The following ECHDC3 variants were observed in gnomAD, a reference collection of about 807,000 sequenced individuals.
ECHDC3 encodes enoyl-CoA hydratase domain containing 3, also known as enoyl-CoA hydratase domain-containing protein 3, mitochondrial.
Under a neutral mutation model 17.9 loss-of-function variants are expected in ECHDC3, and 20 were observed. The observed-to-expected ratio is 1.12, with a 90% CI of 0.79 to 1.63. The LOEUF is 1.63. ECHDC3 is among the 40% of genes most tolerant of loss of function. The pLI is 0.00. For missense variants in ECHDC3, 407 were observed against 357.7 expected, an observed-to-expected ratio of 1.14 and a Z score of -1.11; for synonymous variants, 177 against 149.7, an observed-to-expected ratio of 1.18 and a Z score of -1.33.
At chr10:11,759,021 A>T (rs1270676429) in intron 4 of ECHDC3, among the ~76,000 whole-genome samples, 1 of 152,142 alleles carries the variant, frequency 6.6e-6, no homozygotes, top group African/African-American at 2.4e-5. Flanking sequence ...TGAGATCATG[A>T]GTATGGAGCC....
At chr10:11,750,589 C>T (rs568388621) in intron 3 of ECHDC3, among the ~76,000 whole-genome samples, 3 of 152,290 alleles carry the variant, frequency 2.0e-5, no homozygotes, top group African/African-American at 7.2e-5. Context: ...GTGAATCCAG[C>T]TTTAAGTAAT....
At chr10:11,760,792 G>A (rs1832940687) in intron 4 of ECHDC3, among the ~76,000 whole-genome samples, 1 of 152,232 alleles carries the variant, frequency 6.6e-6, no homozygotes, top group South Asian at 2.1e-4. Context: ...GCCCCGTGCT[G>A]TGACCTGCTA....
At chr10:11,750,914 C>T (rs1271012159) in intron 3 of ECHDC3, among the ~76,000 whole-genome samples, 2 of 152,112 alleles carry the variant, frequency 1.3e-5, no homozygotes, top group Non-Finnish European at 2.9e-5. Flanking sequence ...CTTGCCCTTC[C>T]AGAAACCCAT....
intron 1 of ECHDC3, among the ~76,000 whole-genome samples, chr10:11,743,315 G>C (rs1238272585): frequency 6.6e-6 from 1 of 152,236 alleles, no homozygotes; most frequent in African/African-American, 2.4e-5. Flanking sequence ...CCGTGTTTCA[G>C]CATGTTTCAG....
At chr10:11,745,251 T>G (rs1832746768) in intron 1 of ECHDC3, among the ~76,000 whole-genome samples, 1 of 152,252 alleles carries the variant, frequency 6.6e-6, no homozygotes, top group East Asian at 1.9e-4. Context: ...ACAGGACACA[T>G]GAACAGATTC....
At chr10:11,759,182 C>T (rs1832917409) in intron 4 of ECHDC3, among the ~76,000 whole-genome samples, 3 of 152,138 alleles carry the variant, frequency 2.0e-5, no homozygotes, top group Middle Eastern at 3.4e-3. Flanking sequence ...GGCGAAACCT[C>T]GTCTCTACTA....
intron 3 of ECHDC3, among the ~76,000 whole-genome samples, chr10:11,754,297 G>GGAAA (rs139963384): frequency 0.93 from 142,231 of 152,142 alleles, 67,297 homozygotes; most frequent in East Asian, 1. Context: ...CCTGCCTTGG[G>GGAAA]GTATTCCCAT....
chr10:11,755,197 A>G (rs7070299), intron 3 of ECHDC3: 453,409 of 466,310 alleles, frequency 0.97, 221,659 homozygotes, highest in East Asian at 1. Flanking sequence ...GTGGTAGCCC[A>G]TGCCTGTAGT....
intron 4 of ECHDC3, among the ~76,000 whole-genome samples, chr10:11,757,024 C>T (rs1005509501): frequency 2.6e-5 from 4 of 152,216 alleles, no homozygotes; most frequent in East Asian, 3.8e-4. Context: ...CGTGAGCCGC[C>T]GCACCTGGCC....
chr10:11,743,124 C>G (rs541302254), intron 1 of ECHDC3, among the ~76,000 whole-genome samples: 1 of 152,210 alleles, frequency 6.6e-6, no homozygotes, highest in South Asian at 2.1e-4. Context: ...GTAAATAGGA[C>G]AAAGTGCACA....
chr10:11,761,439 C>G (rs1474511527), intron 4 of ECHDC3, among the ~76,000 whole-genome samples: 1 of 152,230 alleles, frequency 6.6e-6, no homozygotes, highest in African/African-American at 2.4e-5. Context: ...GCTGATGCCT[C>G]CCCTGTGTGT....
At chr10:11,762,578 C>T (rs933000114) in intron 4 of ECHDC3, among the ~76,000 whole-genome samples, 13 of 152,272 alleles carry the variant, frequency 8.5e-5, no homozygotes, top group South Asian at 6.2e-4. Flanking sequence ...GCAGAGGACA[C>T]GGTGAGGAGG....
intron 2 of ECHDC3, among the ~76,000 whole-genome samples, chr10:11,749,066 A>G (rs1347279910): frequency 6.6e-6 from 1 of 152,214 alleles, no homozygotes; most frequent in African/African-American, 2.4e-5. Context: ...CACTTCAGCC[A>G]TGACGGCTGG....
In ECHDC3 at chr10:11,742,815, G is replaced by A. The variant is rs532754305; in HGVS notation, c.170+69G>A. On this transcript the variant is annotated intron_variant, in intron 1 of 4. Transcript: ENST00000379215. ...GGGGTCAGGGCGCCGCCATTGACCC[G>A]GGGAGGACCCGGGGAACCGGAGCCC... 1.3e-4 allele frequency: 162 copies of A among 1,220,072 alleles called. 2 individuals are homozygous for A. The East Asian group carries it at 5.0e-3, about 37-fold the overall frequency. 75.6% of individuals were successfully genotyped at this position (1,220,072 alleles called of 1,614,324 possible).
At chr10:11,752,016 A>G (rs1001868884) in intron 3 of ECHDC3, 3 of 152,306 alleles carry the variant, frequency 2.0e-5, no homozygotes, top group South Asian at 2.1e-4. Flanking sequence ...AGGTATAATC[A>G]GTTCTTGACT....
chr10:11,749,222 C>T (rs1396153563), intron 2 of ECHDC3, among the ~76,000 whole-genome samples: 1 of 152,198 alleles, frequency 6.6e-6, no homozygotes, highest in East Asian at 1.9e-4. Context: ...ACTGAATCTT[C>T]TCCTTATGTA....
Position 11,763,435 on chromosome 10 carries a change from A to G in ECHDC3, c.803A>G (p.Tyr268Cys). Residue 268 changes from tyrosine (Y) to cysteine (C), a missense_variant, in exon 5 of 5, where the codon TAC becomes TGC. By Grantham distance (194) the Tyr-to-Cys change is radical (BLOSUM62 -2). Coordinates refer to ENST00000379215, the MANE Select transcript of ECHDC3 (RefSeq NM_024693.5). This position sits in a 1 kb window ranked among gnomAD's most constrained non-coding sequence, Gnocchi z 4.9. ...CCCCAGGACCTGGGGACGGCTTACT[A>G]CCTCACCTCCCAGGCCATGGTGGAC... The part of the protein sequence containing the change: ...QLPQDLGTAY[Y>C]LTSQAMVDNL... 1 of 842,742 alleles carries G rather than the reference A, an allele frequency of 1.2e-6. No individual in the cohort carries two copies. Among genetic ancestry groups the G allele is most frequent in the Non-Finnish European group, 2.1e-6 (1 of 484,792 alleles). 52.2% of individuals were successfully genotyped at this position (842,742 alleles called of 1,614,324 possible). A position where few individuals can be genotyped will look rare whatever the true frequency, so the allele number is the denominator to read the frequency against.
intron 3 of ECHDC3, among the ~76,000 whole-genome samples, chr10:11,754,237 G>C (rs1471694240): frequency 6.6e-6 from 1 of 152,100 alleles, no homozygotes; most frequent in Admixed American, 6.5e-5. Flanking sequence ...TAAAAGATAA[G>C]CTTCTTAGAC....
At chr10:11,756,076 T>G (rs965677620) in intron 4 of ECHDC3, among the ~76,000 whole-genome samples, 3 of 152,224 alleles carry the variant, frequency 2.0e-5, no homozygotes, top group Non-Finnish European at 2.9e-5. Context: ...GTCTGTCTTG[T>G]TCCAGAACGG....
Sources: gnomAD v4.1 joint callset for allele counts (sites outside exome capture counted in the v4.1 genomes callset) on GRCh38, gnomAD v4.1.1 for gene constraint, Gnocchi (gnomAD v3.1) non-coding constraint, MANE v1.5 for transcripts, NCBI Gene and HGNC (gene_info 2026-07-23, HGNC 2026-07-21) for gene names.